XNDC1N: variants seen among roughly 807,000 people sequenced by gnomAD.
XNDC1N encodes XRCC1 N-terminal domain containing 1, N-terminal like, also known as protein XNDC1N.
chr11:71,884,817 C>A, the XNDC1N span, among the ~76,000 whole-genome samples: 11 of 152,170 alleles, frequency 7.2e-5, no homozygotes, highest in African/African-American at 2.7e-4. Flanking sequence ...GGAGTAAGAG[C>A]CAGCCCCTTT....
At chr11:71,919,608 T>TTTTTTG in the XNDC1N span, among the ~76,000 whole-genome samples, 3 of 11,742 alleles carry the variant, frequency 2.6e-4, no homozygotes, top group African/African-American at 4.1e-4. Flanking sequence ...CAGGTTGGTT[T>TTTTTTG]TTTTTTTTGT....
At chr11:71,869,767 C>T in the XNDC1N span, among the ~76,000 whole-genome samples, 1 of 152,144 alleles carries the variant, frequency 6.6e-6, no homozygotes, top group South Asian at 2.1e-4. Context: ...AGTTAAGAAC[C>T]ATTGCTGAGG....
At chr11:71,902,871 G>T in the XNDC1N span, among the ~76,000 whole-genome samples, 1 of 152,196 alleles carries the variant, frequency 6.6e-6, no homozygotes, top group African/African-American at 2.4e-5. Context: ...CTTCGGAAAA[G>T]ATAGGCTGTA....
the XNDC1N span, among the ~76,000 whole-genome samples, chr11:71,872,000 A>G: frequency 6.6e-6 from 1 of 152,232 alleles, no homozygotes; most frequent in Admixed American, 6.5e-5. Context: ...ATTTAATGAT[A>G]CTATTCTTAG....
At chr11:71,913,665 TAA>T in the XNDC1N span, among the ~76,000 whole-genome samples, 4,326 of 105,336 alleles carry the variant, frequency 0.041, 78 homozygotes, top group East Asian at 0.11. Context: ...TCTCAAAAGA[TAA>T]AAAAAAAAAA....
the XNDC1N span, among the ~76,000 whole-genome samples, chr11:71,913,994 T>C: frequency 2.0e-5 from 3 of 152,216 alleles, no homozygotes; most frequent in Admixed American, 6.5e-5. Context: ...AGATTCCTTT[T>C]CAAAACATTT....
the XNDC1N span, among the ~76,000 whole-genome samples, chr11:71,876,532 C>G: frequency 6.6e-6 from 1 of 152,168 alleles, no homozygotes; most frequent in Non-Finnish European, 1.5e-5. Flanking sequence ...GAATTCCAAG[C>G]CTGCCTCCTG....
At chr11:71,893,363 T>G in the XNDC1N span, 1 of 632,856 alleles carries the variant, frequency 1.6e-6, no homozygotes, top group South Asian at 1.7e-5. Context: ...GGTCCGCAAG[T>G]GTCAAGATGT....
the XNDC1N span, among the ~76,000 whole-genome samples, chr11:71,914,700 AAAAG>A: frequency 2.6e-5 from 4 of 152,068 alleles, no homozygotes; most frequent in African/African-American, 7.2e-5. Context: ...GAAAAAAAAA[AAAAG>A]AAATAGTAAG....
the XNDC1N span, chr11:71,894,271 C>T: frequency 4.3e-5 from 17 of 398,264 alleles, no homozygotes; most frequent in South Asian, 3.6e-4. Context: ...GTCACCACCC[C>T]CCAGGAATGG....
At chr11:71,913,187 G>A in the XNDC1N span, among the ~76,000 whole-genome samples, 18 of 152,184 alleles carry the variant, frequency 1.2e-4, no homozygotes, top group African/African-American at 4.1e-4. Context: ...CCCCACCTGC[G>A]ATATTGGGAG....
the XNDC1N span, among the ~76,000 whole-genome samples, chr11:71,927,427 A>G: frequency 6.6e-6 from 1 of 152,110 alleles, no homozygotes; most frequent in African/African-American, 2.4e-5. Flanking sequence ...AGGCTGAGAC[A>G]TGAGAATCGT....
At chr11:71,913,396 G>A in the XNDC1N span, among the ~76,000 whole-genome samples, 1 of 152,018 alleles carries the variant, frequency 6.6e-6, no homozygotes, top group Non-Finnish European at 1.5e-5. Context: ...CACGGGGGGT[G>A]ACCTTGTAAA....
the XNDC1N span, among the ~76,000 whole-genome samples, chr11:71,900,906 G>C: frequency 1.3e-5 from 2 of 150,388 alleles, no homozygotes; most frequent in African/African-American, 4.9e-5. Flanking sequence ...ATTTGAACCA[G>C]TCAGTCTAAG....
chr11:71,913,380 C>G, the XNDC1N span, among the ~76,000 whole-genome samples: 1 of 152,054 alleles, frequency 6.6e-6, no homozygotes, highest in South Asian at 2.1e-4. Context: ...AAAAGACTAA[C>G]AAGGTCACGG....
the XNDC1N span, among the ~76,000 whole-genome samples, chr11:71,899,562 A>G: frequency 1.3e-5 from 2 of 152,222 alleles, no homozygotes; most frequent in African/African-American, 2.4e-5. Context: ...ATCAAGGTTT[A>G]AGGGATCTAG....
chr11:71,886,592 G>A, the XNDC1N span, among the ~76,000 whole-genome samples: 5 of 152,186 alleles, frequency 3.3e-5, no homozygotes, highest in Non-Finnish European at 7.3e-5. Context: ...AGAGACTGTG[G>A]GAGGCCTATC....
chr11:71,899,992 T>C, the XNDC1N span, among the ~76,000 whole-genome samples: 9,105 of 105,244 alleles, frequency 0.087, no homozygotes, highest in Non-Finnish European at 0.12. Context: ...TTTGCAGCAA[T>C]GCTGCCTTGT....
At chr11:71,912,195 C>T in the XNDC1N span, among the ~76,000 whole-genome samples, 6 of 152,160 alleles carry the variant, frequency 3.9e-5, no homozygotes, top group East Asian at 1.9e-4. Context: ...CCAGCCGTTC[C>T]GCCCGGCATA....
Sources: gnomAD v4.1 joint callset for allele counts (sites outside exome capture counted in the v4.1 genomes callset) on GRCh38, gnomAD v4.1.1 for gene constraint, MANE v1.5 for transcripts, NCBI Gene and HGNC (gene_info 2026-07-23, HGNC 2026-07-21) for gene names.